The following SPTB variants were observed in gnomAD, a reference collection of about 807,000 sequenced individuals.
SPTB encodes spectrin beta, erythrocytic.
Under a neutral mutation model 256.2 loss-of-function variants are expected in SPTB, and 45 were observed. The observed-to-expected ratio is 0.18, with a 90% CI of 0.14 to 0.23. SPTB has a LOEUF of 0.23. SPTB is among the 10% of genes least tolerant of loss of function. The pLI is 1.00. For missense variants in SPTB, 2,715 were observed against 3,040.4 expected (o/e 0.89, Z 2.52); for synonymous variants, 1,231 against 1,243.1 (o/e 0.99, Z 0.21).
chr14:64,787,131 T>A lies in SPTB; in HGVS notation c.2834A>T (p.Glu945Val). The A allele has an allele frequency of 6.2e-7, 1 of 1,607,646 alleles. No homozygotes were observed. The highest frequency in any genetic ancestry group is 1.7e-5 in the Admixed American group (1 of 60,014). Reference protein sequence around the residue: ...RWQAFQTLVSERREAVDSALR... With the variant: ...RWQAFQTLVSVRREAVDSALR... ...GGCTGAGTCCACAGCCTCCCGCCGC[T>A]CCGACACCAGGGTCTGAAATGCCTG... The change falls in exon 16 of 36, where the codon GAG (glutamate) becomes GTG (valine). Residue 945 changes from glutamate to valine, a missense_variant. Glu to Val is a moderately radical substitution (Grantham distance 121). Around this residue, in one of 4 missense-constraint regions of SPTB, gnomAD observed 2,239 missense variants for 2,384.4 expected, o/e 0.94. Transcript: ENST00000644917.
rs2083825020 is a variant in SPTB at position 64,853,889 on chromosome 14, T to A, written c.-52+25903A>T. On this transcript the variant is annotated intron_variant, in intron 1 of 35. Transcript: ENST00000644917. This position sits in a 1 kb window ranked among gnomAD's most constrained non-coding sequence, Gnocchi z 4.3. ...TGACTCAAGAGACATTTATTAAAAA[T>A]TTTTTTAGATACTTATCACTGGCCA... Among the ~76,000 whole-genome samples, 1 of 149,882 alleles carries A rather than the reference T, an allele frequency of 6.7e-6. No homozygotes were observed. Among genetic ancestry groups the A allele is most frequent in the Non-Finnish European group, 1.5e-5 (1 of 68,018 alleles).
In SPTB at chr14:64,786,025, C is replaced by T; in HGVS notation, c.3562-74G>A. 6.7e-7 allele frequency: 1 copy of T among 1,492,092 alleles called. No homozygotes were observed. Among genetic ancestry groups the T allele is most frequent in the Non-Finnish European group, 9.3e-7 (1 of 1,077,896 alleles). 92.4% of individuals were successfully genotyped at this position (1,492,092 alleles called of 1,614,324 possible). On this transcript the variant is annotated intron_variant, in intron 16 of 35. Coordinates refer to ENST00000644917, the MANE Select transcript of SPTB (RefSeq NM_001355436.2). This position sits in a 1 kb window ranked among gnomAD's most constrained non-coding sequence, Gnocchi z 5.6. Reference sequence around the variant, plus strand: ...GATGAGCACACCTCCCAAGTGGGAGCACCACGTGCAGCCACACAGGCCACG... The same window carrying T: ...GATGAGCACACCTCCCAAGTGGGAGTACCACGTGCAGCCACACAGGCCACG...
Position 64,784,300 on chromosome 14 carries a change from C to G in SPTB, c.3949G>C (p.Ala1317Pro), listed in dbSNP as rs763029819. 9 of 1,614,114 alleles carry G rather than the reference C, an allele frequency of 5.6e-6. No individual in the cohort carries two copies. In the South Asian group the frequency reaches 9.9e-5, roughly 18 times the overall value. ...NLHNKWLKHQ[A>P]FVAELASHEG... is the part of the protein sequence containing the mutation. ...TGGGAAGCCAGCTCTGCCACAAACG[C>G]CTGGTGCTTTAGCCATTTATTGTGA... The change falls in exon 19 of 36, where the codon GCG becomes CCG. Residue 1317 changes from alanine to proline, a missense_variant. Physicochemically the swap from Ala to Pro is conservative, Grantham distance 27. Transcript: ENST00000644917.
chr14:64,848,237 C>A (rs1293410372), intron 1 of SPTB, among the ~76,000 whole-genome samples: 1 of 152,192 alleles, frequency 6.6e-6, no homozygotes, highest in Non-Finnish European at 1.5e-5. Flanking sequence ...CACTCCTACT[C>A]TTTTTGCTTT....
chr14:64,809,581 G>A (rs980107714), intron 2 of SPTB, among the ~76,000 whole-genome samples: 4 of 152,062 alleles, frequency 2.6e-5, no homozygotes, highest in Non-Finnish European at 4.4e-5. Flanking sequence ...TCCTGACCTC[G>A]TGATCCACCC....
chr14:64,803,654 G>A lies in SPTB; in HGVS notation c.427C>T (p.His143Tyr). ...MGSHDIVDGNHRLVLGLIWTI... is the reference protein window; with the variant it reads ...MGSHDIVDGNYRLVLGLIWTI... ...CAGATGAGGCCCAGGACCAGGCGGTGGTTGCCATCTACAATGTCGTGGGAG... is the reference window on the plus strand; with the variant it reads ...CAGATGAGGCCCAGGACCAGGCGGTAGTTGCCATCTACAATGTCGTGGGAG... Residue 143 changes from histidine (H) to tyrosine (Y), a missense_variant, in exon 4 of 36, where the codon CAC becomes TAC. This residue lies in a region of SPTB where 416 missense variants were observed against 571.1 expected (regional missense o/e 0.73). Transcript: ENST00000644917. 1 of 1,614,186 alleles carries A rather than the reference G, an allele frequency of 6.2e-7. No individual in the cohort carries two copies. The highest frequency in any genetic ancestry group is 1.1e-5 in the South Asian group (1 of 91,088).
intron 1 of SPTB, among the ~76,000 whole-genome samples, chr14:64,861,381 C>T (rs1382348839): frequency 6.6e-6 from 1 of 152,172 alleles, no homozygotes; most frequent in Non-Finnish European, 1.5e-5. Flanking sequence ...ACTCAAGCCT[C>T]ATATAAGTGG....
At chr14:64,752,556 C>T (rs1001855103) in intron 33 of SPTB, among the ~76,000 whole-genome samples, 5 of 152,140 alleles carry the variant, frequency 3.3e-5, no homozygotes, top group African/African-American at 1.2e-4. Flanking sequence ...ACTCTGTTAT[C>T]CCCTTGGAAA....
chr14:64,868,068 CTTTACACTTCA>C (rs1304111238), intron 1 of SPTB, among the ~76,000 whole-genome samples: 2 of 152,018 alleles, frequency 1.3e-5, no homozygotes, highest in African/African-American at 4.8e-5. Context: ...GTGCCTGCCC[CTTTACACTTCA>C]TTTTGGGGCA....
At position 64,769,055 on chromosome 14, in the gene SPTB, G is replaced by C. The variant is rs376489437; in HGVS notation, c.6001C>G (p.Arg2001Gly). ...RKEMNEKWEARWERLRMLLEV... is the reference protein window; with the variant it reads ...RKEMNEKWEAGWERLRMLLEV... ...TCACACATGCGGAGCCGCTCCCAGC[G>C]GGCTTCCCACTTCTCATTCATCTCT... The change falls in exon 29 of 36, where the codon CGC becomes GGC. Residue 2001 changes from arginine to glycine, a missense_variant. Arg to Gly is a moderately radical substitution (Grantham distance 125, BLOSUM62 -2). Transcript: ENST00000644917. The C allele has an allele frequency of 1.2e-6, 2 of 1,613,500 alleles. No individual in the cohort carries two copies. The highest frequency in any genetic ancestry group is 1.7e-6 in the Non-Finnish European group (2 of 1,179,978).
In SPTB at chr14:64,748,874, C is replaced by T. The variant is rs544942754; in HGVS notation, c.*432G>A. The T allele has an allele frequency of 2.1e-4, 36 of 172,714 alleles. No homozygotes were observed. In the South Asian group the frequency reaches 4.4e-3, roughly 21 times the overall value. 10.7% of individuals were successfully genotyped at this position (172,714 alleles called of 1,614,324 possible). A position where few individuals can be genotyped will look rare whatever the true frequency, so the allele number is the denominator to read the frequency against. On this transcript the variant is annotated 3_prime_UTR_variant, in exon 36 of 36. Coordinates refer to ENST00000644917, the MANE Select transcript of SPTB (RefSeq NM_001355436.2). ...GGCTGCCACCAGGTGGGAGGTGACC[C>T]GAAGCAAGACTTGCTTTAGGAACGG...
intron 9 of SPTB, 82 bp downstream of exon 9, chr14:64,799,665 A>G (rs2082842066): frequency 1.3e-6 from 2 of 1,533,552 alleles, no homozygotes; most frequent in African/African-American, 1.4e-5. Context: ...CACACTTCAT[A>G]AGGCCCAGAA....
In SPTB at chr14:64,785,027, T is replaced by C. The variant is rs2082540092; in HGVS notation, c.3855+510A>G. Among the ~76,000 whole-genome samples, 1 of 152,202 alleles carries C rather than the reference T, an allele frequency of 6.6e-6. No homozygotes were observed. The highest frequency in any genetic ancestry group is 1.5e-5 in the Non-Finnish European group (1 of 68,036). On this transcript the variant is annotated intron_variant, in intron 18 of 35. Coordinates refer to ENST00000644917, the MANE Select transcript of SPTB (RefSeq NM_001355436.2). The surrounding 1 kb of genome is among the most constrained non-coding windows in gnomAD (Gnocchi z 4.4). ...GTTTGTTTAAAATGTTCTTTCTCTG[T>C]CTCACCCCGTAAAGTTCTGATTCAT... is the stretch of plus-strand genomic sequence containing the variant.
chr14:64,863,646 T>C (rs1881988127), intron 1 of SPTB, among the ~76,000 whole-genome samples: 2 of 152,240 alleles, frequency 1.3e-5, no homozygotes, highest in African/African-American at 4.8e-5. Context: ...GCTCCACCGC[T>C]ACTTGGTCCT....
chr14:64,849,988 A>G (rs1402009306), intron 1 of SPTB, among the ~76,000 whole-genome samples: 1 of 152,146 alleles, frequency 6.6e-6, no homozygotes, highest in Non-Finnish European at 1.5e-5. Flanking sequence ...ATTACTATAG[A>G]CCAGGAGGGG....
rs2082539915 is a variant in SPTB, at chr14:64,785,015, G to A, written c.3855+522C>T. ...TCCAACTGGCAGGTTTGTTTAAAAT[G>A]TTCTTTCTCTGTCTCACCCCGTAAA... On this transcript the variant is annotated intron_variant, in intron 18 of 35. Coordinates refer to ENST00000644917, the MANE Select transcript of SPTB (RefSeq NM_001355436.2). This position sits in a 1 kb window ranked among gnomAD's most constrained non-coding sequence, Gnocchi z 4.4. 6.6e-6 allele frequency among the ~76,000 whole-genome samples: 1 copy of A among 152,194 alleles called. No individual in the cohort carries two copies. The highest frequency in any genetic ancestry group is 6.5e-5 in the Admixed American group (1 of 15,284).
At position 64,750,053 on chromosome 14, in the gene SPTB, G is replaced by C; in HGVS notation, c.6704C>G (p.Pro2235Arg). 1 of 1,614,152 alleles carries C rather than the reference G, an allele frequency of 6.2e-7. No individual in the cohort carries two copies. The highest frequency in any genetic ancestry group is 1.1e-5 in the South Asian group (1 of 91,088). Reference sequence around the variant, plus strand: ...ACAGATGGCATGTCTCAGGGCCAGGGGTTCCTCCCCATGGTAGGGCATCCC... The same window carrying C: ...ACAGATGGCATGTCTCAGGGCCAGGCGTTCCTCCCCATGGTAGGGCATCCC... ...ALGMPYHGEE[P>R]LALRHAICEI... Residue 2235 changes from proline (P) to arginine (R), a missense_variant, in exon 34 of 36, where the codon CCC (proline) becomes CGC (arginine). By Grantham distance (103) the Pro-to-Arg change is moderately radical. Transcript: ENST00000644917.
At chr14:64,836,570 C>T (rs892714060) in intron 1 of SPTB, among the ~76,000 whole-genome samples, 1 of 152,114 alleles carries the variant, frequency 6.6e-6, no homozygotes, top group African/African-American at 2.4e-5. Flanking sequence ...CTGTGACCCT[C>T]TTTCTCCTTT....
intron 3 of SPTB, among the ~76,000 whole-genome samples, chr14:64,804,656 C>G (rs2082948757): frequency 6.6e-6 from 1 of 152,170 alleles, no homozygotes; most frequent in African/African-American, 2.4e-5. Context: ...GCCAGGCCAT[C>G]ACAGGCCAGC....
Sources: gnomAD v4.1 joint callset for allele counts (sites outside exome capture counted in the v4.1 genomes callset) on GRCh38, gnomAD v4.1.1 for gene constraint, gnomAD v4.1.1 regional missense constraint, Gnocchi (gnomAD v3.1) non-coding constraint, MANE v1.5 for transcripts, NCBI Gene and HGNC (gene_info 2026-07-23, HGNC 2026-07-21) for gene names.